Variants in PCNX1 observed in about 807,000 individuals in gnomAD.
The protein encoded by PCNX1 is pecanex 1, also known as pecanex-like protein 1.
In PCNX1, 78 loss-of-function variants were observed where a neutral mutation model predicts 242.2. That is an observed-to-expected ratio of 0.32 (90% CI 0.27 to 0.39). The LOEUF is 0.39. Ranked by LOEUF, PCNX1 falls within the 10% of genes least tolerant of loss-of-function variation. PCNX1 has a pLI of 1.00. For missense variants in PCNX1, 2,581 were observed against 2,856.5 expected (o/e 0.90, Z 2.20); for synonymous variants, 1,024 against 1,032.9 (o/e 0.99, Z 0.17).
chr14:70,987,012 G>C (rs183607814), intron 6 of PCNX1, among the ~76,000 whole-genome samples: 1 of 152,260 alleles, frequency 6.6e-6, no homozygotes, highest in East Asian at 1.9e-4. Context: ...TTGTTCATCT[G>C]ATTTTTCATT....
intron 16 of PCNX1, chr14:71,031,890 T>G: frequency 6.9e-7 from 1 of 1,455,336 alleles, no homozygotes; most frequent in South Asian, 1.1e-5. Flanking sequence ...GAGCAGATTT[T>G]CCAGCAGCCA....
intron 7 of PCNX1, among the ~76,000 whole-genome samples, chr14:70,994,430 T>G (rs2059282817): frequency 8.5e-6 from 1 of 117,274 alleles, no homozygotes; most frequent in Non-Finnish European, 1.8e-5. Flanking sequence ...TATATATATA[T>G]GTATGTATGT....
intron 28 of PCNX1, among the ~76,000 whole-genome samples, chr14:71,087,994 A>T (rs2062036161): frequency 6.6e-6 from 1 of 152,114 alleles, no homozygotes; most frequent in Non-Finnish European, 1.5e-5. Context: ...TAGCTAATAG[A>T]TAGAAATATT....
At chr14:70,976,821 AACTACTTGAG>A in intron 5 of PCNX1, 111 bp from the exon 6 acceptor site, 1 of 819,370 alleles carries the variant, frequency 1.2e-6, no homozygotes, top group Non-Finnish European at 1.9e-6. Context: ...CTCTTTGGAG[AACTACTTGAG>A]AAATTATTTA....
intron 1 of PCNX1, among the ~76,000 whole-genome samples, chr14:70,931,942 G>A (rs1012416347): frequency 6.6e-6 from 1 of 152,166 alleles, no homozygotes; most frequent in Non-Finnish European, 1.5e-5. Context: ...TGACCAACGT[G>A]GATAAACCCT....
chr14:70,908,393 A>T (rs1209847765), intron 1 of PCNX1, among the ~76,000 whole-genome samples: 1 of 151,482 alleles, frequency 6.6e-6, no homozygotes, highest in African/African-American at 2.4e-5. Flanking sequence ...CATCCTTGGC[A>T]CGCTGGGTTC....
chr14:71,057,693 C>A lies in PCNX1; in HGVS notation c.4821C>A (p.Val1607=). The change falls in exon 26 of 36, where the codon GTC becomes GTA. Residue 1607 remains valine, a synonymous_variant. Transcript: ENST00000304743. ...VHLIEIGNGL[V]TFQLRGLEFR... ...TTATAGAGATAGGCAATGGTCTGGTCACTTTTCAGCTGCGGGGACTTGAAT... is the reference window on the plus strand; with the variant it reads ...TTATAGAGATAGGCAATGGTCTGGTAACTTTTCAGCTGCGGGGACTTGAAT... 6.2e-7 allele frequency: 1 copy of A among 1,613,594 alleles called. No individual in the cohort carries two copies. The highest frequency in any genetic ancestry group is 1.1e-5 in the South Asian group (1 of 91,026).
At chr14:71,049,822 A>T (rs901367413) in intron 22 of PCNX1, among the ~76,000 whole-genome samples, 6 of 152,226 alleles carry the variant, frequency 3.9e-5, no homozygotes, top group Non-Finnish European at 8.8e-5. Flanking sequence ...GGATGAGGTG[A>T]TTGTTGCTTA....
In PCNX1 at chr14:71,110,632, C is replaced by G. The variant is rs1190473898; in HGVS notation, c.*697C>G. The G allele has an allele frequency of 6.6e-6, 1 of 152,428 alleles. No homozygotes were observed. The highest frequency in any genetic ancestry group is 2.4e-5 in the African/African-American group (1 of 41,452). The allele number at this position is 152,428 out of a possible 1,614,324, so 9.4% of individuals were successfully genotyped here. A position where few individuals can be genotyped will look rare whatever the true frequency, so the allele number is the denominator to read the frequency against. On this transcript the variant is annotated 3_prime_UTR_variant, in exon 36 of 36. Coordinates refer to ENST00000304743, the MANE Select transcript of PCNX1 (RefSeq NM_014982.3). ...ATAAACACAGGTAGCAGGAACTGTGCTGCTCATTTTTCTGTTAGTAGTGTG... is the reference window on the plus strand; with the variant it reads ...ATAAACACAGGTAGCAGGAACTGTGGTGCTCATTTTTCTGTTAGTAGTGTG...
intron 14 of PCNX1, 69 bp from the exon 15 acceptor site, chr14:71,026,703 G>T: frequency 1.6e-6 from 1 of 625,308 alleles, no homozygotes; most frequent in South Asian, 2.8e-5. Flanking sequence ...TAAAAATTAT[G>T]ACCTCTCAGT....
At chr14:71,011,900 G>C (rs970567347) in intron 10 of PCNX1, 1 of 200,102 alleles carries the variant, frequency 5.0e-6, no homozygotes, top group African/African-American at 2.4e-5. Flanking sequence ...CTACTTTTTG[G>C]CTATAGTGTA....
chr14:71,114,543 T>C lies in PCNX1; in HGVS notation c.*4608T>C, dbSNP rs2062816713. On this transcript the variant is annotated 3_prime_UTR_variant, in exon 36 of 36. Transcript: ENST00000304743. The stretch of plus-strand genomic sequence containing the variant: ...ACTTTTTCTGAATTAAGATAACTTC[T>C]ATTTGTGAGTTGAACTTCATTATCT... The C allele has an allele frequency of 6.5e-6, 1 of 152,686 alleles. No homozygotes were observed. The highest frequency in any genetic ancestry group is 1.5e-5 in the Non-Finnish European group (1 of 68,050). 9.5% of individuals were successfully genotyped at this position (152,686 alleles called of 1,614,324 possible).
chr14:71,018,404 T>C (rs560386233), intron 11 of PCNX1, among the ~76,000 whole-genome samples: 10 of 152,218 alleles, frequency 6.6e-5, no homozygotes, highest in South Asian at 4.1e-4. Context: ...TTAATAAATA[T>C]AGAATTGTCT....
intron 1 of PCNX1, among the ~76,000 whole-genome samples, chr14:70,923,736 G>A (rs1413437906): frequency 6.6e-6 from 1 of 152,052 alleles, no homozygotes; most frequent in Non-Finnish European, 1.5e-5. Flanking sequence ...TTTTAATAGT[G>A]AATAGTATTC....
In PCNX1 at chr14:70,977,681, G is replaced by A; in HGVS notation, c.1344G>A (p.Arg448=). The change falls in exon 6 of 36, where the codon AGG becomes AGA. Residue 448 remains arginine, a synonymous_variant. Transcript: ENST00000304743. ...EEKNSCASDK[R]TSSEKIAMEA... is the part of the protein sequence containing the mutation. ...AGAATAGCTGTGCCAGTGACAAAAG[G>A]ACTAGCAGTGAAAAGATTGCTATGG... The A allele has an allele frequency of 6.2e-7, 1 of 1,614,136 alleles. No individual in the cohort carries two copies. The highest frequency in any genetic ancestry group is 8.5e-7 in the Non-Finnish European group (1 of 1,180,032).
At chr14:70,926,883 T>G (rs1451178213) in intron 1 of PCNX1, among the ~76,000 whole-genome samples, 1 of 152,152 alleles carries the variant, frequency 6.6e-6, no homozygotes, top group Non-Finnish European at 1.5e-5. Flanking sequence ...AAAAGGCTAC[T>G]TAGGAGGACA....
intron 28 of PCNX1, chr14:71,085,349 A>C (rs1008345492): frequency 7.2e-5 from 11 of 152,252 alleles, no homozygotes; most frequent in African/African-American, 2.4e-4. Context: ...TCAATCTGTA[A>C]GTACATAATT....
intron 19 of PCNX1, among the ~76,000 whole-genome samples, chr14:71,041,747 CTCTT>C (rs2060711218): frequency 6.6e-6 from 1 of 151,650 alleles, no homozygotes. Flanking sequence ...GTTGTTTGAA[CTCTT>C]TCTACTTTTT....
intron 26 of PCNX1, among the ~76,000 whole-genome samples, chr14:71,067,414 A>T (rs2061475431): frequency 2.0e-5 from 3 of 152,082 alleles, no homozygotes; most frequent in Admixed American, 6.6e-5. Context: ...GGGTGTTTAT[A>T]GTATTCTCTG....
Sources: gnomAD v4.1 joint callset for allele counts (sites outside exome capture counted in the v4.1 genomes callset) on GRCh38, gnomAD v4.1.1 for gene constraint, MANE v1.5 for transcripts, NCBI Gene and HGNC (gene_info 2026-07-23, HGNC 2026-07-21) for gene names.